ZNF407: variants seen among roughly 807,000 people sequenced by gnomAD.
ZNF407 encodes the protein zinc finger protein 407.
In ZNF407, 17 loss-of-function variants were observed where a neutral mutation model predicts 131.2. The observed-to-expected ratio is 0.13, with a 90% confidence interval of 0.09 to 0.19. ZNF407 has a LOEUF of 0.19. Ranked by LOEUF, ZNF407 falls within the 10% of genes least tolerant of loss-of-function variation. The pLI is 1.00. For synonymous variants in ZNF407, 1,156 were observed against 1,062.0 expected, an observed-to-expected ratio of 1.09 and a Z score of -1.72; for missense variants, 2,681 against 2,830.6, an observed-to-expected ratio of 0.95 and a Z score of 1.20.
At chr18:74,688,994 A>G (rs1967159740) in intron 3 of ZNF407, among the ~76,000 whole-genome samples, 1 of 152,010 alleles carries the variant, frequency 6.6e-6, no homozygotes, top group Admixed American at 6.6e-5. Context: ...ATGCCCGGGT[A>G]ATTTTTCTAT....
intron 8 of ZNF407, among the ~76,000 whole-genome samples, chr18:75,030,863 G>T (rs1472775082): frequency 6.6e-6 from 1 of 152,172 alleles, no homozygotes; most frequent in Non-Finnish European, 1.5e-5. Flanking sequence ...CCCGTGTCGT[G>T]TTCCCAAACG....
At chr18:74,676,703 G>A (rs1037805617) in intron 3 of ZNF407, among the ~76,000 whole-genome samples, 11 of 152,056 alleles carry the variant, frequency 7.2e-5, no homozygotes, top group Non-Finnish European at 1.2e-4. Flanking sequence ...CAGAATGCTG[G>A]GATTACAGAC....
intron 4 of ZNF407, among the ~76,000 whole-genome samples, chr18:74,797,690 A>G (rs568214259): frequency 6.6e-6 from 1 of 152,352 alleles, no homozygotes; most frequent in African/African-American, 2.4e-5. Flanking sequence ...GATTTTTAAA[A>G]AGGTCTTTCG....
chr18:74,895,648 C>CG (rs1309506129), intron 7 of ZNF407, among the ~76,000 whole-genome samples: 1 of 152,070 alleles, frequency 6.6e-6, no homozygotes, highest in Non-Finnish European at 1.5e-5. Context: ...AGTTATAAAA[C>CG]ATGTTTTTCA....
chr18:74,986,321 A>G (rs1255730912), intron 8 of ZNF407, among the ~76,000 whole-genome samples: 3 of 152,034 alleles, frequency 2.0e-5, no homozygotes, highest in African/African-American at 7.2e-5. Context: ...GAAAACTTTA[A>G]CTACGTCATG....
chr18:74,679,012 A>G (rs1288658599), intron 3 of ZNF407, among the ~76,000 whole-genome samples: 1 of 151,926 alleles, frequency 6.6e-6, no homozygotes, highest in African/African-American at 2.4e-5. Flanking sequence ...TGTTTACACC[A>G]AGTTCTGGAA....
chr18:74,980,136 C>T (rs112555637), intron 8 of ZNF407, among the ~76,000 whole-genome samples: 3,341 of 152,160 alleles, frequency 0.022, 59 homozygotes, highest in South Asian at 0.035. Context: ...TGAAAGAAGG[C>T]TGTTTTTAAC....
chr18:75,009,454 G>A (rs1370616865), intron 8 of ZNF407, among the ~76,000 whole-genome samples: 2 of 152,158 alleles, frequency 1.3e-5, no homozygotes, highest in Non-Finnish European at 2.9e-5. Flanking sequence ...GTGCCTCAGG[G>A]AAAATTAAAC....
At chr18:75,044,226 A>G (rs1050522655) in intron 8 of ZNF407, among the ~76,000 whole-genome samples, 1 of 152,044 alleles carries the variant, frequency 6.6e-6, no homozygotes, top group Non-Finnish European at 1.5e-5. Flanking sequence ...TTAGGAATAT[A>G]TAGCAGCACT....
intron 6 of ZNF407, among the ~76,000 whole-genome samples, chr18:74,886,976 C>T (rs1296630901): frequency 6.6e-6 from 1 of 152,176 alleles, no homozygotes; most frequent in Non-Finnish European, 1.5e-5. Flanking sequence ...GTCATTTTAT[C>T]TAGCCTAGTG....
At chr18:74,819,286 T>C (rs1381962096) in intron 4 of ZNF407, among the ~76,000 whole-genome samples, 1 of 152,210 alleles carries the variant, frequency 6.6e-6, no homozygotes, top group Admixed American at 6.5e-5. Flanking sequence ...CTTTTTGCCC[T>C]TCCCTACATA....
At chr18:74,853,096 C>T (rs1599198272) in intron 4 of ZNF407, among the ~76,000 whole-genome samples, 2 of 152,078 alleles carry the variant, frequency 1.3e-5, no homozygotes, top group East Asian at 3.9e-4. Flanking sequence ...ACCTTTTTCC[C>T]TAGGAAAGGA....
chr18:74,879,066 T>C (rs1353882139), intron 5 of ZNF407, among the ~76,000 whole-genome samples: 2 of 152,170 alleles, frequency 1.3e-5, no homozygotes, highest in Non-Finnish European at 2.9e-5. Context: ...ATTAATAATT[T>C]TGTCTTTTTG....
intron 3 of ZNF407, among the ~76,000 whole-genome samples, chr18:74,730,267 T>C (rs1360715001): frequency 6.6e-6 from 1 of 152,230 alleles, no homozygotes; most frequent in Non-Finnish European, 1.5e-5. Flanking sequence ...CTTTTTAATA[T>C]TCTCCCTGTA....
At chr18:74,941,062 T>C (rs2930546) in intron 8 of ZNF407, among the ~76,000 whole-genome samples, 8,924 of 149,312 alleles carry the variant, frequency 0.06, 868 homozygotes, top group African/African-American at 0.21. Context: ...TGAATCCCAG[T>C]GGCGGAACCG....
At chr18:74,698,578 C>T (rs1402179389) in intron 3 of ZNF407, among the ~76,000 whole-genome samples, 1 of 152,176 alleles carries the variant, frequency 6.6e-6, no homozygotes, top group African/African-American at 2.4e-5. Context: ...CACCCTCTCT[C>T]ATTAATCCTT....
intron 8 of ZNF407, among the ~76,000 whole-genome samples, chr18:74,949,306 G>A (rs912779377): frequency 6.6e-6 from 1 of 152,160 alleles, no homozygotes; most frequent in African/African-American, 2.4e-5. Context: ...TCATGGTCAG[G>A]ATTCAGGGGA....
intron 3 of ZNF407, among the ~76,000 whole-genome samples, chr18:74,766,386 A>T (rs1490731616): frequency 6.6e-6 from 1 of 152,180 alleles, no homozygotes; most frequent in Non-Finnish European, 1.5e-5. Context: ...AGAGAAGCTG[A>T]TGTAGAAGCT....
chr18:75,061,692 C>G (rs1973635597), intron 8 of ZNF407: 1 of 152,656 alleles, frequency 6.6e-6, no homozygotes, highest in East Asian at 1.9e-4. Flanking sequence ...GCCCTGTGCT[C>G]TGCCTGCCTG....
Sources: gnomAD v4.1 joint callset for allele counts (sites outside exome capture counted in the v4.1 genomes callset) on GRCh38, gnomAD v4.1.1 for gene constraint, MANE v1.5 for transcripts, NCBI Gene and HGNC (gene_info 2026-07-23, HGNC 2026-07-21) for gene names.